Variants in LARGE1 observed in about 807,000 individuals in gnomAD.
The protein encoded by LARGE1 is LARGE xylosyl- and glucuronyltransferase 1, also known as xylosyl- and glucuronyltransferase LARGE1.
Under a neutral mutation model 87.6 loss-of-function variants are expected in LARGE1, and 43 were observed. The observed-to-expected ratio is 0.49, with a 90% CI of 0.38 to 0.63. The LOEUF (loss-of-function observed/expected upper bound fraction) is 0.63, where lower values mean the gene tolerates loss of function less well. Ranked by LOEUF, LARGE1 falls within the 30% of genes least tolerant of loss-of-function variation. LARGE1 has a pLI of 0.00. For missense variants in LARGE1, 802 were observed against 1,000.2 expected, an observed-to-expected ratio of 0.80 and a Z score of 2.67; for synonymous variants, 434 against 394.6, an observed-to-expected ratio of 1.10 and a Z score of -1.18.
chr22:33,172,542 C>T (rs1295021258), intron 11 of LARGE1, among the ~76,000 whole-genome samples: 1 of 152,132 alleles, frequency 6.6e-6, no homozygotes. Context: ...CCTGAGGCTT[C>T]CCCAAATTTC....
intron 7 of LARGE1, among the ~76,000 whole-genome samples, chr22:33,410,413 C>T (rs1205763722): frequency 6.6e-6 from 1 of 151,896 alleles, no homozygotes; most frequent in Non-Finnish European, 1.5e-5. Context: ...TGGGAGGTGA[C>T]TGAATCATGG....
chr22:33,440,871 A>G (rs1220928663), intron 6 of LARGE1, among the ~76,000 whole-genome samples: 1 of 152,188 alleles, frequency 6.6e-6, no homozygotes, highest in African/African-American at 2.4e-5. Flanking sequence ...ACAGACAGTC[A>G]GATGAACTGT....
chr22:33,424,413 T>C (rs941434676), intron 7 of LARGE1, among the ~76,000 whole-genome samples: 18 of 152,104 alleles, frequency 1.2e-4, no homozygotes, highest in Admixed American at 3.9e-4. Flanking sequence ...GGACAGAAGG[T>C]TTTGGAAGGA....
At chr22:33,446,745 G>GA (rs966171802) in intron 6 of LARGE1, among the ~76,000 whole-genome samples, 1 of 152,164 alleles carries the variant, frequency 6.6e-6, no homozygotes, top group African/African-American at 2.4e-5. Context: ...CAAGCAGGGG[G>GA]AACCACTGAA....
chr22:33,467,518 A>G (rs1299310154), intron 6 of LARGE1, among the ~76,000 whole-genome samples: 3 of 152,232 alleles, frequency 2.0e-5, no homozygotes, highest in African/African-American at 7.2e-5. Flanking sequence ...AGAAGGTTCA[A>G]GTTTCATTAA....
chr22:33,849,253 C>T (rs1186400328), intron 1 of LARGE1, among the ~76,000 whole-genome samples: 1 of 152,184 alleles, frequency 6.6e-6, no homozygotes, highest in Non-Finnish European at 1.5e-5. Flanking sequence ...CCAGCAGACA[C>T]ACAGGCCCAC....
At chr22:33,462,294 C>A (rs141215368) in intron 6 of LARGE1, among the ~76,000 whole-genome samples, 1 of 152,102 alleles carries the variant, frequency 6.6e-6, no homozygotes, top group African/African-American at 2.4e-5. Flanking sequence ...CCAGGAAAAA[C>A]ACCCTTCGGG....
chr22:33,323,031 A>T (rs1936902944), intron 10 of LARGE1, among the ~76,000 whole-genome samples: 1 of 152,288 alleles, frequency 6.6e-6, no homozygotes, highest in Non-Finnish European at 1.5e-5. Flanking sequence ...CTGAGGCAGG[A>T]GAATCGTTTG....
At chr22:33,309,269 C>G (rs113572261) in intron 11 of LARGE1, among the ~76,000 whole-genome samples, 10 of 151,874 alleles carry the variant, frequency 6.6e-5, no homozygotes, top group African/African-American at 2.4e-4. Flanking sequence ...CAGGTTCAAG[C>G]GATTTTCCTG....
At chr22:33,447,633 G>A (rs1205898871) in intron 6 of LARGE1, among the ~76,000 whole-genome samples, 2 of 152,244 alleles carry the variant, frequency 1.3e-5, no homozygotes, top group Admixed American at 6.5e-5. Context: ...ATCTGGCTCT[G>A]CCAAAGAGGC....
intron 6 of LARGE1, among the ~76,000 whole-genome samples, chr22:33,535,111 G>C (rs996165394): frequency 6.6e-6 from 1 of 152,204 alleles, no homozygotes; most frequent in South Asian, 2.1e-4. Context: ...AGTAGAGGAG[G>C]GGCTGAGGGG....
rs114928415 is a variant in LARGE1, at chr22:33,297,263, G to A, written c.1730+6966C>T. ...GAGAAAAGAGTCGAACAGAAATCTG[G>A]CATTCCTACACAGTGTCAGAATACA... On this transcript the variant is annotated intron_variant, in intron 12 of 14. Transcript: ENST00000397394. Among the ~76,000 whole-genome samples the A allele has an allele frequency of 8.8e-3, 1,338 of 152,240 alleles. 24 individuals are homozygous for A. Among genetic ancestry groups the A allele is most frequent in the African/African-American group, 0.031 (1,285 of 41,552 alleles).
chr22:33,291,854 AG>A (rs1374255006), intron 12 of LARGE1, among the ~76,000 whole-genome samples: 2 of 152,108 alleles, frequency 1.3e-5, no homozygotes, highest in East Asian at 3.9e-4. Context: ...GCACTTTGGG[AG>A]GCCGAGGTTG....
rs570187352 is a variant in LARGE1, at chr22:33,488,208, C to T, written c.788-55943G>A. Among the ~76,000 whole-genome samples the T allele has an allele frequency of 9.2e-5, 14 of 152,280 alleles. No individual in the cohort carries two copies. The South Asian group carries it at 2.9e-3, about 32-fold the overall frequency. On this transcript the variant is annotated intron_variant, in intron 6 of 14. Transcript: ENST00000397394. Reference sequence around the variant, plus strand: ...TTAAATTTAAATAATTAATCAAACTCGGATTAAATTAAAACTCAGTTCTTT... The same window carrying T: ...TTAAATTTAAATAATTAATCAAACTTGGATTAAATTAAAACTCAGTTCTTT...
chr22:33,186,040 T>C (rs1399658546), intron 11 of LARGE1, among the ~76,000 whole-genome samples: 1 of 152,160 alleles, frequency 6.6e-6, no homozygotes, highest in Non-Finnish European at 1.5e-5. Context: ...AAAAGTTCTT[T>C]ATAATAAAAA....
At chr22:33,533,913 G>A (rs1233164598) in intron 6 of LARGE1, among the ~76,000 whole-genome samples, 1 of 148,060 alleles carries the variant, frequency 6.8e-6, no homozygotes, top group Non-Finnish European at 1.5e-5. Flanking sequence ...GACGTTTTCC[G>A]CTCTTCTCTG....
chr22:33,779,354 G>A (rs1037761342), intron 1 of LARGE1, among the ~76,000 whole-genome samples: 3 of 151,940 alleles, frequency 2.0e-5, no homozygotes, highest in Non-Finnish European at 4.4e-5. Context: ...CACAGCTCAG[G>A]GTAGGTTAAA....
intron 6 of LARGE1, among the ~76,000 whole-genome samples, chr22:33,464,146 A>G (rs1306590068): frequency 6.6e-6 from 1 of 152,212 alleles, no homozygotes; most frequent in Non-Finnish European, 1.5e-5. Context: ...ATTCATATAT[A>G]GGAACTTGAT....
At chr22:33,127,878 T>C in the LARGE1 span, among the ~76,000 whole-genome samples, 1 of 152,222 alleles carries the variant, frequency 6.6e-6, no homozygotes. Context: ...CAGACATCTA[T>C]CTTGAAATTT....
Sources: allele counts gnomAD v4.1 joint callset (sites outside exome capture counted in the v4.1 genomes callset), GRCh38; gene constraint gnomAD v4.1.1; transcripts MANE v1.5; gene names NCBI Gene and HGNC (gene_info 2026-07-23, HGNC 2026-07-21).